LPGAT1: variants seen among roughly 807,000 people sequenced by gnomAD.
LPGAT1 encodes the protein lysophosphatidylglycerol acyltransferase 1.
LPGAT1 carries 11 observed loss-of-function variants against 47.5 expected under a neutral mutation model. The ratio of observed to expected loss-of-function variants is 0.23; its 90% CI spans 0.15 to 0.38. The LOEUF is 0.38. Ranked by LOEUF, LPGAT1 falls within the 10% of genes least tolerant of loss-of-function variation. The probability of loss-of-function intolerance (pLI) is 1.00; values close to 1 mark genes in which losing one functional copy is unlikely to be tolerated. For missense variants in LPGAT1, 293 were observed against 439.0 expected (o/e 0.67, Z 2.97); for synonymous variants, 138 against 144.2 (o/e 0.96, Z 0.31).
chr1:211,773,500 G>A (rs557965191), intron 6 of LPGAT1, among the ~76,000 whole-genome samples: 199 of 152,168 alleles, frequency 1.3e-3, no homozygotes, highest in Admixed American at 2.6e-3. Flanking sequence ...CAACACCTCT[G>A]CTTTTAGTAA....
intron 2 of LPGAT1, among the ~76,000 whole-genome samples, chr1:211,810,576 GTA>G (rs1659952991): frequency 6.6e-6 from 1 of 152,034 alleles, no homozygotes; most frequent in African/African-American, 2.4e-5. Flanking sequence ...CTTTTTAAAG[GTA>G]TGTTTTCTTC....
chr1:211,792,934 T>C (rs1286672306), intron 3 of LPGAT1, 138 bp downstream of exon 3: 1 of 534,880 alleles, frequency 1.9e-6, no homozygotes, highest in Non-Finnish European at 3.4e-6. Context: ...ATGGCCTCGA[T>C]CTCTTGACCT....
At chr1:211,788,681 T>TAA (rs761540044) in intron 3 of LPGAT1, among the ~76,000 whole-genome samples, 2 of 139,648 alleles carry the variant, frequency 1.4e-5, no homozygotes, top group African/African-American at 5.3e-5. Context: ...GACTCTTTAT[T>TAA]AAAAAAAAAA....
chr1:211,787,564 C>T, intron 4 of LPGAT1, 68 bp downstream of exon 4: 1 of 793,736 alleles, frequency 1.3e-6, no homozygotes, highest in Non-Finnish European at 2.0e-6. Context: ...TTTTGTTATA[C>T]CTCTTTTTAT....
At chr1:211,809,190 G>A (rs1401054730) in intron 2 of LPGAT1, among the ~76,000 whole-genome samples, 3 of 151,752 alleles carry the variant, frequency 2.0e-5, no homozygotes, top group Non-Finnish European at 4.4e-5. Flanking sequence ...GGGCGACAGT[G>A]CGAGACTCCA....
intron 6 of LPGAT1, among the ~76,000 whole-genome samples, chr1:211,756,135 C>T (rs959247592): frequency 2.0e-5 from 3 of 152,122 alleles, no homozygotes; most frequent in Admixed American, 2.0e-4. Flanking sequence ...ACCCGGGAGG[C>T]TGAGGCAGGA....
chr1:211,758,274 T>C (rs1357249837), intron 6 of LPGAT1, among the ~76,000 whole-genome samples: 1 of 152,276 alleles, frequency 6.6e-6, no homozygotes, highest in Non-Finnish European at 1.5e-5. Flanking sequence ...AATGATTGAA[T>C]GTCTGTACCT....
At chr1:211,812,591 G>A (rs1170825852) in intron 2 of LPGAT1, among the ~76,000 whole-genome samples, 1 of 152,150 alleles carries the variant, frequency 6.6e-6, no homozygotes, top group Non-Finnish European at 1.5e-5. Context: ...AGATATCCAT[G>A]TCAAATCCCT....
At chr1:211,821,763 G>T (rs1224424773) in intron 2 of LPGAT1, among the ~76,000 whole-genome samples, 2 of 152,014 alleles carry the variant, frequency 1.3e-5, no homozygotes, top group African/African-American at 4.8e-5. Flanking sequence ...AGAATGAATG[G>T]TTACTATCAA....
intron 6 of LPGAT1, among the ~76,000 whole-genome samples, chr1:211,754,392 T>G (rs1022485282): frequency 6.6e-6 from 1 of 152,228 alleles, no homozygotes; most frequent in Non-Finnish European, 1.5e-5. Context: ...TGTTATTTAC[T>G]GCTCGTTCTT....
intron 4 of LPGAT1, among the ~76,000 whole-genome samples, chr1:211,784,840 G>C (rs1243058807): frequency 7.2e-6 from 1 of 138,752 alleles, no homozygotes; most frequent in South Asian, 2.2e-4. Context: ...GTCTCGCTCT[G>C]TTGCCCAGGC....
In LPGAT1 at chr1:211,760,439, T is replaced by C. The variant is rs1463427173; in HGVS notation, c.855-9372A>G. Among the ~76,000 whole-genome samples the C allele has an allele frequency of 2.0e-5, 3 of 152,134 alleles. No individual in the cohort carries two copies. The East Asian group carries it at 5.8e-4, about 29-fold the overall frequency. On this transcript the variant is annotated intron_variant, in intron 6 of 7. Transcript: ENST00000366997. ...CACTGCACTCCGGCCTGGGCAACAA[T>C]AGCAAAACTCCGTCCCCCCAACCCC...
chr1:211,811,324 G>A (rs935704644), intron 2 of LPGAT1, among the ~76,000 whole-genome samples: 5 of 152,198 alleles, frequency 3.3e-5, no homozygotes, highest in African/African-American at 9.6e-5. Context: ...ATTAAAGCAC[G>A]AGAATCCTTA....
At chr1:211,789,906 A>T (rs1032793377) in intron 3 of LPGAT1, among the ~76,000 whole-genome samples, 2 of 151,934 alleles carry the variant, frequency 1.3e-5, no homozygotes, top group African/African-American at 4.8e-5. Context: ...TTCAGAAAAC[A>T]CAATTAATCC....
rs1297705090 is a variant in LPGAT1, at chr1:211,744,868, T to TC, written c.*5030dup. ...TTTCATTTGGTTTTTCAGTTTGCCT[T>TC]CAGCATCCAACTGCCACAGTGTGCT... On this transcript the variant is annotated 3_prime_UTR_variant, in exon 8 of 8. Coordinates refer to ENST00000366997, the MANE Select transcript of LPGAT1 (RefSeq NM_014873.3). 2 of 152,772 alleles carry TC rather than the reference T, an allele frequency of 1.3e-5. No individual in the cohort carries two copies. The highest frequency in any genetic ancestry group is 6.5e-5 in the Admixed American group (1 of 15,300). 9.5% of individuals were successfully genotyped at this position (152,772 alleles called of 1,614,324 possible).
At chr1:211,755,793 C>T (rs562118708) in intron 6 of LPGAT1, among the ~76,000 whole-genome samples, 1 of 152,004 alleles carries the variant, frequency 6.6e-6, no homozygotes, top group South Asian at 2.1e-4. Flanking sequence ...CTTATTTACA[C>T]AGAAAATAAC....
intron 2 of LPGAT1, among the ~76,000 whole-genome samples, chr1:211,815,812 T>G (rs538538845): frequency 1.4e-5 from 2 of 142,020 alleles, no homozygotes; most frequent in East Asian, 4.3e-4. Flanking sequence ...TGAGTCTTGC[T>G]CTGTCACCCA....
At chr1:211,796,500 C>CCCT (rs1659357919) in intron 2 of LPGAT1, among the ~76,000 whole-genome samples, 1 of 152,208 alleles carries the variant, frequency 6.6e-6, no homozygotes, top group African/African-American at 2.4e-5. Flanking sequence ...GGAAGAGCCT[C>CCCT]CCTGAGAGTC....
intron 6 of LPGAT1, among the ~76,000 whole-genome samples, chr1:211,754,410 A>G (rs926720082): frequency 1.1e-4 from 17 of 151,860 alleles, no homozygotes; most frequent in African/African-American, 4.1e-4. Context: ...CTTTTTTCCA[A>G]CTTCCCAACT....
Sources: gnomAD v4.1 joint callset for allele counts (sites outside exome capture counted in the v4.1 genomes callset) on GRCh38, gnomAD v4.1.1 for gene constraint, MANE v1.5 for transcripts, NCBI Gene and HGNC (gene_info 2026-07-23, HGNC 2026-07-21) for gene names.